DENND1A: variants seen among roughly 807,000 people sequenced by gnomAD.
DENND1A encodes DENN domain-containing protein 1A.
A neutral mutation model predicts 113.7 loss-of-function variants in DENND1A; 51 were observed. The observed-to-expected ratio is 0.45, with a 90% confidence interval of 0.36 to 0.57. The LOEUF (loss-of-function observed/expected upper bound fraction) is 0.57. Ranked by LOEUF, DENND1A falls within the 20% of genes least tolerant of loss-of-function variation. The pLI is 0.00. For synonymous variants in DENND1A, 565 were observed against 570.8 expected (o/e 0.99, Z 0.14); for missense variants, 1,258 against 1,395.9 (o/e 0.90, Z 1.57).
chr9:123,535,255 T>C (rs767309504), intron 13 of DENND1A, among the ~76,000 whole-genome samples: 3 of 152,160 alleles, frequency 2.0e-5, no homozygotes, highest in African/African-American at 7.2e-5. Flanking sequence ...TTAAAGTCAC[T>C]CCAATGGTTT....
chr9:123,632,647 G>C (rs2061527654), intron 9 of DENND1A, among the ~76,000 whole-genome samples: 1 of 152,100 alleles, frequency 6.6e-6, no homozygotes, highest in South Asian at 2.1e-4. Flanking sequence ...GCCTGGCCCG[G>C]ATGGCTCCAC....
At position 123,382,147 on chromosome 9, in the gene DENND1A, G is replaced by C; in HGVS notation, c.2498C>G (p.Pro833Arg). ...TELLQPLSPGPGAAGTSSDAL... is the reference protein window; with the variant it reads ...TELLQPLSPGRGAAGTSSDAL... The stretch of plus-strand genomic sequence containing the variant: ...GTCACTGCTCGTGCCTGCAGCCCCG[G>C]GGCCAGGGCTGAGCGGCTGGAGCAG... Residue 833 changes from proline to arginine, a missense_variant, in exon 24 of 24, where the codon CCC becomes CGC. This residue lies in a region of DENND1A where 1,159 missense variants were observed against 1,231.7 expected (regional missense o/e 0.94). Coordinates refer to ENST00000394215, the MANE Select transcript of DENND1A (RefSeq NM_001352964.2). The C allele has an allele frequency of 6.2e-7, 1 of 1,601,882 alleles. No individual in the cohort carries two copies. The highest frequency in any genetic ancestry group is 8.5e-7 in the Non-Finnish European group (1 of 1,175,096).
chr9:123,533,491 G>A (rs956954), intron 13 of DENND1A, among the ~76,000 whole-genome samples: 1 of 152,222 alleles, frequency 6.6e-6, no homozygotes, highest in African/African-American at 2.4e-5. Flanking sequence ...TCAGAGCCCA[G>A]AGCTCACCTG....
intron 9 of DENND1A, among the ~76,000 whole-genome samples, chr9:123,636,120 G>A (rs900690623): frequency 6.6e-6 from 1 of 152,108 alleles, no homozygotes; most frequent in African/African-American, 2.4e-5. Context: ...TGCAGCTCCA[G>A]GGCCCAGCTG....
chr9:123,632,909 A>ATATTAT (rs999639378), intron 9 of DENND1A, among the ~76,000 whole-genome samples: 1 of 150,362 alleles, frequency 6.7e-6, no homozygotes, highest in African/African-American at 2.4e-5. Context: ...AATAATAATA[A>ATATTAT]TATTATTATT....
intron 5 of DENND1A, among the ~76,000 whole-genome samples, chr9:123,744,541 C>A (rs2069306774): frequency 6.6e-6 from 1 of 152,010 alleles, no homozygotes; most frequent in African/African-American, 2.4e-5. Flanking sequence ...AATTGTTTTC[C>A]AAGAATGTTG....
intron 2 of DENND1A, among the ~76,000 whole-genome samples, chr9:123,871,974 T>C (rs977363592): frequency 2.0e-5 from 3 of 152,146 alleles, no homozygotes; most frequent in African/African-American, 7.2e-5. Context: ...GTGTGGCCAG[T>C]GTCATCTGAT....
At chr9:123,699,476 G>A (rs1229327257) in intron 5 of DENND1A, among the ~76,000 whole-genome samples, 1 of 151,452 alleles carries the variant, frequency 6.6e-6, no homozygotes, top group Non-Finnish European at 1.5e-5. Context: ...AATTATTTTC[G>A]ACCTCTCCCT....
At chr9:123,704,953 A>C (rs540150360) in intron 5 of DENND1A, among the ~76,000 whole-genome samples, 1 of 152,288 alleles carries the variant, frequency 6.6e-6, no homozygotes, top group East Asian at 1.9e-4. Context: ...GAAAAAGCCT[A>C]ATGTATTCTA....
At chr9:123,884,755 G>A (rs1344183752) in intron 1 of DENND1A, among the ~76,000 whole-genome samples, 1 of 152,082 alleles carries the variant, frequency 6.6e-6, no homozygotes, top group Admixed American at 6.6e-5. Context: ...GTTTAGAGAT[G>A]AGGACACTGA....
intron 22 of DENND1A, among the ~76,000 whole-genome samples, chr9:123,386,956 A>G (rs1356196907): frequency 6.6e-6 from 1 of 152,234 alleles, no homozygotes; most frequent in Non-Finnish European, 1.5e-5. Context: ...GACCAAAACG[A>G]TTAACGTGCC....
At chr9:123,780,627 T>C (rs1024636321) in intron 3 of DENND1A, among the ~76,000 whole-genome samples, 5 of 152,210 alleles carry the variant, frequency 3.3e-5, no homozygotes, top group African/African-American at 1.2e-4. Context: ...GGGAAGACTA[T>C]TAAAGTTTGT....
At chr9:123,919,866 A>C (rs1855903012) in intron 1 of DENND1A, among the ~76,000 whole-genome samples, 1 of 133,444 alleles carries the variant, frequency 7.5e-6, no homozygotes, top group Non-Finnish European at 1.6e-5. Flanking sequence ...TGGGTGACAG[A>C]GTGAGACTCT....
chr9:123,628,790 A>G (rs1478225909), intron 10 of DENND1A, among the ~76,000 whole-genome samples: 1 of 152,232 alleles, frequency 6.6e-6, no homozygotes, highest in East Asian at 1.9e-4. Context: ...CCATTGATGA[A>G]TCAAGAAGAA....
intron 9 of DENND1A, among the ~76,000 whole-genome samples, chr9:123,636,193 G>A (rs558344548): frequency 3.3e-5 from 5 of 152,126 alleles, no homozygotes; most frequent in South Asian, 4.1e-4. Flanking sequence ...ACCTGACCAG[G>A]GCACAGCTGT....
At chr9:123,569,780 G>C (rs1016723539) in intron 12 of DENND1A, among the ~76,000 whole-genome samples, 3 of 152,286 alleles carry the variant, frequency 2.0e-5, no homozygotes, top group East Asian at 3.9e-4. Flanking sequence ...ATCAGTAGAC[G>C]TGGGGTGGGG....
intron 8 of DENND1A, among the ~76,000 whole-genome samples, chr9:123,664,743 T>C (rs1336898626): frequency 6.6e-6 from 1 of 152,206 alleles, no homozygotes; most frequent in African/African-American, 2.4e-5. Flanking sequence ...AATTAATTTA[T>C]TATTATAGTT....
chr9:123,408,047 C>T (rs1174269519), intron 20 of DENND1A, among the ~76,000 whole-genome samples: 5 of 152,122 alleles, frequency 3.3e-5, no homozygotes, highest in Non-Finnish European at 5.9e-5. Context: ...TGAACTCCAG[C>T]CACAGGTGCC....
intron 13 of DENND1A, among the ~76,000 whole-genome samples, chr9:123,496,337 T>A (rs560592946): frequency 2.4e-4 from 37 of 152,362 alleles, no homozygotes; most frequent in African/African-American, 8.4e-4. Flanking sequence ...TTCCTGGTGC[T>A]TTTAACAAAA....
Sources: gnomAD v4.1 joint callset for allele counts (sites outside exome capture counted in the v4.1 genomes callset) on GRCh38, gnomAD v4.1.1 for gene constraint, gnomAD v4.1.1 regional missense constraint, MANE v1.5 for transcripts, NCBI Gene and HGNC (gene_info 2026-07-23, HGNC 2026-07-21) for gene names.